The following ZNF385D variants were observed in gnomAD, a reference collection of about 807,000 sequenced individuals.
ZNF385D encodes the protein zinc finger protein 385D.
In ZNF385D, 15 loss-of-function variants were observed where a neutral mutation model predicts 35.8. The ratio of observed to expected loss-of-function variants is 0.42; its 90% CI spans 0.28 to 0.64. The LOEUF is 0.64. ZNF385D is among the 30% of genes least tolerant of loss of function. The probability of loss-of-function intolerance (pLI) is 0.23; values close to 1 mark genes in which losing one functional copy is unlikely to be tolerated. For missense variants in ZNF385D, 474 were observed against 494.6 expected (o/e 0.96, Z 0.39); for synonymous variants, 212 against 186.8 (o/e 1.13, Z -1.10).
rs895589155 is a variant in ZNF385D at position 21,416,619 on chromosome 3, A to G, written c.*4595T>C. ...AAAACACAAGAGATGCTCCAGAGAT[A>G]AATCTCCCCATGTAGAAAGAAAAAA... On this transcript the variant is annotated 3_prime_UTR_variant, in exon 8 of 8. Transcript: ENST00000281523. 5.3e-5 allele frequency: 8 copies of G among 152,120 alleles called. No individual in the cohort carries two copies. Among genetic ancestry groups the G allele is most frequent in the African/African-American group, 1.9e-4 (8 of 41,444 alleles). The allele number at this position is 152,120 out of a possible 1,614,324, so 9.4% of individuals were successfully genotyped here.
intron 3 of ZNF385D, among the ~76,000 whole-genome samples, chr3:22,150,664 G>A (rs2125718507): frequency 6.6e-6 from 1 of 152,214 alleles, no homozygotes. Context: ...AAGGATAGTA[G>A]TTAAGATATC....
Position 21,689,130 on chromosome 3 carries a change from CAAAAA to C in ZNF385D, c.23-24107_23-24103del, listed in dbSNP as rs5847126. On this transcript the variant is annotated intron_variant, in intron 1 of 7. Transcript: ENST00000281523. ...TCTGTCCTGCCCCACCTTATTGAAG[CAAAAA>C]AAAAAAAAAAAAAAAATACTATTCC... Among the ~76,000 whole-genome samples the C allele has an allele frequency of 5.0e-3, 574 of 114,332 alleles. 2 individuals carry two copies. Among genetic ancestry groups the C allele is most frequent in the African/African-American group, 0.017 (506 of 29,974 alleles). The allele number at this position is 114,332 out of a possible 152,430, so 75.0% of individuals were successfully genotyped here.
chr3:21,600,775 C>CTGA (rs1356472510), intron 2 of ZNF385D, among the ~76,000 whole-genome samples: 2 of 151,408 alleles, frequency 1.3e-5, no homozygotes, highest in African/African-American at 2.4e-5. Context: ...GAAAAGGATG[C>CTGA]TGATGAATAT....
intron 1 of ZNF385D, among the ~76,000 whole-genome samples, chr3:21,727,434 G>C (rs1275783483): frequency 2.0e-5 from 3 of 152,054 alleles, no homozygotes; most frequent in Non-Finnish European, 2.9e-5. Context: ...TCTGACAAAA[G>C]GCTAATATCC....
At chr3:21,809,336 A>G (rs940243674) in intron 3 of ZNF385D, among the ~76,000 whole-genome samples, 1 of 152,026 alleles carries the variant, frequency 6.6e-6, no homozygotes, top group East Asian at 1.9e-4. Context: ...ATAAAAGACT[A>G]TTCTTGCACT....
chr3:21,533,721 T>C (rs1251833239), intron 3 of ZNF385D, among the ~76,000 whole-genome samples: 2 of 152,122 alleles, frequency 1.3e-5, no homozygotes, highest in Non-Finnish European at 2.9e-5. Context: ...AAATCATAAA[T>C]TGCTCCTAGA....
chr3:21,750,923 G>T lies in ZNF385D; in HGVS notation c.-7C>A, dbSNP rs1190280923. ...AATACATTATGTTTCTCATTAATCA[G>T]ACAGCTGGAATCCCACCGCGGTGTC... is the stretch of plus-strand genomic sequence containing the variant. On this transcript the variant is annotated 5_prime_UTR_variant, in exon 1 of 8. In the 5' UTR this introduces an upstream ATG that the reference lacks. Transcript: ENST00000281523. 6.2e-7 allele frequency: 1 copy of T among 1,614,122 alleles called. No homozygotes were observed. The highest frequency in any genetic ancestry group is 2.2e-5 in the East Asian group (1 of 44,876).
At chr3:22,218,007 G>T (rs1698001410) in intron 2 of ZNF385D, among the ~76,000 whole-genome samples, 2 of 152,106 alleles carry the variant, frequency 1.3e-5, no homozygotes, top group Non-Finnish European at 1.5e-5. Flanking sequence ...AAAGGTTAAG[G>T]TAATGCTAGC....
chr3:22,123,135 G>C (rs1703191451), intron 3 of ZNF385D, among the ~76,000 whole-genome samples: 1 of 151,984 alleles, frequency 6.6e-6, no homozygotes, highest in Non-Finnish European at 1.5e-5. Context: ...GGAGTGATTA[G>C]AATAGCATAA....
chr3:22,106,801 A>G (rs1702237227), intron 3 of ZNF385D, among the ~76,000 whole-genome samples: 1 of 152,126 alleles, frequency 6.6e-6, no homozygotes, highest in South Asian at 2.1e-4. Flanking sequence ...GAAGCCTGAC[A>G]ATCTTGGATC....
chr3:22,005,056 CAAAAAAAAAAAAAA>C (rs71044965), intron 3 of ZNF385D, among the ~76,000 whole-genome samples: 43 of 57,370 alleles, frequency 7.5e-4, no homozygotes, highest in African/African-American at 2.2e-3. Flanking sequence ...CACTCAGCAG[CAAAAAAAAAAAAAA>C]AAAAAAAAAA....
chr3:21,867,215 A>G (rs113736403), intron 3 of ZNF385D, among the ~76,000 whole-genome samples: 2,168 of 152,242 alleles, frequency 0.014, 44 homozygotes, highest in African/African-American at 0.049. Context: ...TTATAGTGGC[A>G]TTAATCCATT....
At chr3:22,110,793 A>AAG (rs1702480141) in intron 3 of ZNF385D, among the ~76,000 whole-genome samples, 1 of 152,066 alleles carries the variant, frequency 6.6e-6, no homozygotes. Flanking sequence ...TATAATAAAA[A>AAG]AAAAAAGAAA....
chr3:22,032,913 A>G (rs1215089285), intron 3 of ZNF385D, among the ~76,000 whole-genome samples: 1 of 152,148 alleles, frequency 6.6e-6, no homozygotes, highest in African/African-American at 2.4e-5. Context: ...CAGAGAGGTA[A>G]AGTAACTTGC....
At chr3:21,467,048 G>A (rs910782808) in intron 4 of ZNF385D, among the ~76,000 whole-genome samples, 3 of 152,072 alleles carry the variant, frequency 2.0e-5, no homozygotes, top group African/African-American at 4.8e-5. Flanking sequence ...CCCTGAACTC[G>A]GTTCTTGTGC....
intron 3 of ZNF385D, among the ~76,000 whole-genome samples, chr3:21,866,201 C>T (rs1400124434): frequency 6.6e-6 from 1 of 151,534 alleles, no homozygotes; most frequent in Non-Finnish European, 1.5e-5. Flanking sequence ...GCCTATAATC[C>T]CAGCACTTTG....
At chr3:21,726,869 T>C (rs2068787394) in intron 1 of ZNF385D, among the ~76,000 whole-genome samples, 1 of 152,112 alleles carries the variant, frequency 6.6e-6, no homozygotes, top group African/African-American at 2.4e-5. Context: ...GCCAAGAGAA[T>C]TCTAAGCAAA....
chr3:21,789,145 T>C lies in ZNF385D; in HGVS notation c.326-124117A>G, dbSNP rs945283632. 2.6e-5 allele frequency among the ~76,000 whole-genome samples: 4 copies of C among 152,220 alleles called. No individual in the cohort carries two copies. The East Asian group carries it at 7.7e-4, about 29-fold the overall frequency. On this transcript the variant is annotated intron_variant, in intron 3 of 5. Transcript: ENST00000494108. ...TGTAGGCCATTACTTGGTTCCACCATGAACAGTGGATTCAAAGGCATAATA... is the reference window on the plus strand; with the variant it reads ...TGTAGGCCATTACTTGGTTCCACCACGAACAGTGGATTCAAAGGCATAATA...
intron 3 of ZNF385D, among the ~76,000 whole-genome samples, chr3:21,975,335 T>C (rs1166580113): frequency 1.3e-5 from 2 of 152,086 alleles, no homozygotes; most frequent in Admixed American, 1.3e-4. Flanking sequence ...TTCTCACTTA[T>C]TGGTGGGAGC....
Sources: gnomAD v4.1 joint callset for allele counts (sites outside exome capture counted in the v4.1 genomes callset) on GRCh38, gnomAD v4.1.1 for gene constraint, MANE v1.5 for transcripts, NCBI Gene and HGNC (gene_info 2026-07-23, HGNC 2026-07-21) for gene names.